Variants in SYN3 observed in about 807,000 individuals in gnomAD.
SYN3 encodes the protein synapsin-3.
A neutral mutation model predicts 65.8 loss-of-function variants in SYN3; 35 were observed. The observed-to-expected ratio is 0.53, with a 90% CI of 0.41 to 0.70. SYN3 has a LOEUF of 0.70. SYN3 is among the 30% of genes least tolerant of loss of function. SYN3 has a pLI of 0.00. For missense variants in SYN3, 680 were observed against 749.0 expected (o/e 0.91, Z 1.08); for synonymous variants, 270 against 292.9 (o/e 0.92, Z 0.80).
intron 7 of SYN3, among the ~76,000 whole-genome samples, chr22:32,584,981 G>A (rs1482869306): frequency 6.6e-6 from 1 of 152,144 alleles, no homozygotes; most frequent in Admixed American, 6.5e-5. Context: ...TTACACCAGG[G>A]TGTTCCTGAG....
chr22:32,920,315 A>G (rs1306390602), intron 4 of SYN3, among the ~76,000 whole-genome samples: 1 of 152,158 alleles, frequency 6.6e-6, no homozygotes, highest in Admixed American at 6.5e-5. Context: ...TGTCTGTATA[A>G]ACATGGCTGT....
rs1373711190 is a variant in SYN3 at position 32,533,148 on chromosome 22, G to A, written c.1095+645C>T. 2.0e-5 allele frequency among the ~76,000 whole-genome samples: 3 copies of A among 151,942 alleles called. 1 individual carries two copies. The highest frequency in any genetic ancestry group is 2.0e-4 in the Admixed American group (3 of 15,262). On this transcript the variant is annotated intron_variant, in intron 10 of 13. Transcript: ENST00000358763. ...TTGGGAGAGGCATGGGCTGCTGGAG[G>A]GTCTTGAGAGAGATTCCGGGACCCA...
chr22:32,925,685 T>C (rs1418211540), intron 4 of SYN3, among the ~76,000 whole-genome samples: 1 of 152,120 alleles, frequency 6.6e-6, no homozygotes, highest in Non-Finnish European at 1.5e-5. Context: ...TCTGGGGATG[T>C]TTCCTACTTT....
intron 6 of SYN3, among the ~76,000 whole-genome samples, chr22:32,811,103 G>A (rs1283097482): frequency 6.6e-6 from 1 of 152,094 alleles, no homozygotes; most frequent in Non-Finnish European, 1.5e-5. Flanking sequence ...CAGTTGAAAG[G>A]GCACTGGGTT....
chr22:32,646,089 C>T (rs1054253677), intron 6 of SYN3, among the ~76,000 whole-genome samples: 6 of 152,008 alleles, frequency 3.9e-5, no homozygotes, highest in Non-Finnish European at 5.9e-5. Context: ...TGGATGGAGC[C>T]GCGGAAAGGG....
At chr22:32,783,829 C>T (rs867642804) in intron 6 of SYN3, among the ~76,000 whole-genome samples, 5 of 152,202 alleles carry the variant, frequency 3.3e-5, no homozygotes, top group Middle Eastern at 3.2e-3. Flanking sequence ...AAACCAATCT[C>T]ATCTTTGGCA....
At chr22:32,716,673 G>A (rs1462473811) in intron 6 of SYN3, among the ~76,000 whole-genome samples, 8 of 150,952 alleles carry the variant, frequency 5.3e-5, no homozygotes, top group Non-Finnish European at 1.2e-4. Context: ...TGGAACTACA[G>A]GTGCACGACA....
rs2057686531 is a variant in SYN3, at chr22:32,511,082, C to T, written c.*2610G>A. ...TGTTAATCAATATTTATACTCTCTT[C>T]TGTTAGATTTCTTTTAACAGAATAA... On this transcript the variant is annotated 3_prime_UTR_variant, in exon 14 of 14. Transcript: ENST00000358763. Among the ~76,000 whole-genome samples, 1 of 151,674 alleles carries T rather than the reference C, an allele frequency of 6.6e-6. No homozygotes were observed.
intron 9 of SYN3, among the ~76,000 whole-genome samples, chr22:32,534,704 T>G (rs943259547): frequency 2.0e-5 from 3 of 152,116 alleles, no homozygotes; most frequent in African/African-American, 7.2e-5. Flanking sequence ...TGCTTCTCAC[T>G]CTCCAGGGTC....
At chr22:32,737,691 T>C (rs1046064355) in intron 6 of SYN3, among the ~76,000 whole-genome samples, 1 of 152,222 alleles carries the variant, frequency 6.6e-6, no homozygotes, top group Admixed American at 6.5e-5. Flanking sequence ...GCTATATCTA[T>C]TCCTGTCCAC....
chr22:32,653,333 A>G (rs147491749), intron 6 of SYN3, among the ~76,000 whole-genome samples: 6 of 152,218 alleles, frequency 3.9e-5, no homozygotes, highest in Non-Finnish European at 7.4e-5. Context: ...TATCAATGGC[A>G]AAATCACGGC....
intron 7 of SYN3, among the ~76,000 whole-genome samples, chr22:32,563,040 C>G (rs1431897283): frequency 6.6e-6 from 1 of 152,246 alleles, no homozygotes; most frequent in African/African-American, 2.4e-5. Flanking sequence ...AAAAGTAAAT[C>G]AAGGTTAAGA....
intron 6 of SYN3, among the ~76,000 whole-genome samples, chr22:32,857,649 C>T (rs187524114): frequency 4.3e-4 from 65 of 152,326 alleles, no homozygotes; most frequent in Middle Eastern, 3.4e-3. Context: ...CTCCACCTCA[C>T]ACTCGACCTG....
At chr22:33,033,481 C>T (rs1014017654) in intron 1 of SYN3, among the ~76,000 whole-genome samples, 5 of 152,156 alleles carry the variant, frequency 3.3e-5, no homozygotes, top group Admixed American at 6.5e-5. Flanking sequence ...CCCTTAACTA[C>T]GCACTTCTTC....
intron 6 of SYN3, among the ~76,000 whole-genome samples, chr22:32,729,352 A>G (rs140168278): frequency 2.4e-4 from 37 of 152,340 alleles, no homozygotes; most frequent in Middle Eastern, 6.8e-3. Context: ...AGTTGACTCC[A>G]TGTGGATGAT....
intron 7 of SYN3, among the ~76,000 whole-genome samples, chr22:32,552,613 A>G (rs1239994979): frequency 6.6e-6 from 1 of 152,044 alleles, no homozygotes; most frequent in African/African-American, 2.4e-5. Context: ...CTGGATATAG[A>G]TGTGGCCCCT....
chr22:32,932,749 A>G (rs541543656), intron 3 of SYN3, among the ~76,000 whole-genome samples: 1 of 152,290 alleles, frequency 6.6e-6, no homozygotes, highest in East Asian at 1.9e-4. Flanking sequence ...ATTTCTCACT[A>G]TAACCACCTG....
At chr22:32,833,825 T>C in intron 6 of SYN3, 1 of 501,642 alleles carries the variant, frequency 2.0e-6, no homozygotes, top group Non-Finnish European at 4.0e-6. Context: ...AATGGGAAAA[T>C]CCACGGAAAG....
intron 6 of SYN3, among the ~76,000 whole-genome samples, chr22:32,795,775 CAG>C (rs1251664919): frequency 6.6e-6 from 1 of 152,120 alleles, no homozygotes; most frequent in Non-Finnish European, 1.5e-5. Flanking sequence ...AGCAGAATCC[CAG>C]AGAGAGTAGG....
Sources: gnomAD v4.1 joint callset for allele counts (sites outside exome capture counted in the v4.1 genomes callset) on GRCh38, gnomAD v4.1.1 for gene constraint, MANE v1.5 for transcripts, NCBI Gene and HGNC (gene_info 2026-07-23, HGNC 2026-07-21) for gene names.